The following FHIP1A variants were observed in gnomAD, a reference collection of about 807,000 sequenced individuals.
FHIP1A encodes the protein FHF complex subunit HOOK interacting protein 1A.
A neutral mutation model predicts 88.6 loss-of-function variants in FHIP1A; 61 were observed. That is an observed-to-expected ratio of 0.69 (90% CI 0.56 to 0.85). The LOEUF is 0.85. Among genes scored for constraint, FHIP1A ranks in the 40% least tolerant of loss-of-function variants. The pLI, the probability that FHIP1A is intolerant of heterozygous loss-of-function variation, is 0.00. For missense variants in FHIP1A, 1,154 were observed against 1,273.5 expected (o/e 0.91, Z 1.43); for synonymous variants, 478 against 496.0 (o/e 0.96, Z 0.48).
At chr4:151,421,825 AC>A (rs1028724581) in intron 1 of FHIP1A, among the ~76,000 whole-genome samples, 13 of 152,090 alleles carry the variant, frequency 8.5e-5, no homozygotes, top group Non-Finnish European at 1.5e-4. Context: ...TAATAGCCAC[AC>A]CAATAACAGA....
intron 7 of FHIP1A, among the ~76,000 whole-genome samples, chr4:151,602,130 A>G (rs1734896264): frequency 6.6e-6 from 1 of 152,156 alleles, no homozygotes; most frequent in African/African-American, 2.4e-5. Context: ...GCTACAATTC[A>G]AGATGAGATT....
chr4:151,521,607 A>G (rs1296752845), intron 3 of FHIP1A, among the ~76,000 whole-genome samples: 2 of 152,240 alleles, frequency 1.3e-5, no homozygotes, highest in Non-Finnish European at 2.9e-5. Context: ...AGAATGGGTT[A>G]TTCGGACTGT....
At chr4:151,528,702 T>C (rs1300287877) in intron 3 of FHIP1A, among the ~76,000 whole-genome samples, 1 of 152,200 alleles carries the variant, frequency 6.6e-6, no homozygotes, top group Non-Finnish European at 1.5e-5. Flanking sequence ...TTCACTGTTG[T>C]CGTTTGGTTT....
intron 1 of FHIP1A, among the ~76,000 whole-genome samples, chr4:151,452,777 CAAA>C (rs112360226): frequency 1.5e-5 from 2 of 135,980 alleles, no homozygotes; most frequent in African/African-American, 5.5e-5. Context: ...GACTCTGTCT[CAAA>C]AAAAAAAAAA....
At position 151,506,062 on chromosome 4, in the gene FHIP1A, A is replaced by G. The variant is rs149839570; in HGVS notation, c.-123+23414A>G. 2.6e-5 allele frequency among the ~76,000 whole-genome samples: 4 copies of G among 152,282 alleles called. No homozygotes were observed. The East Asian group carries it at 7.7e-4, about 29-fold the overall frequency. ...CTCAGCCTCCTGAGTAGCTGAGTCTACAGCACATGCCACCATGCATGGCTA... is the reference window on the plus strand; with the variant it reads ...CTCAGCCTCCTGAGTAGCTGAGTCTGCAGCACATGCCACCATGCATGGCTA... On this transcript the variant is annotated intron_variant, in intron 3 of 13. Transcript: ENST00000435205.
At position 151,646,554 on chromosome 4, in the gene FHIP1A, C is replaced by G. The variant is rs576546743; in HGVS notation, c.1227-4C>G. The G allele has an allele frequency of 5.8e-6, 9 of 1,548,670 alleles. No homozygotes were observed. In the African/African-American group the frequency reaches 6.8e-5, roughly 12 times the overall value. On this transcript the variant is annotated splice_polypyrimidine_tract_variant and splice_region_variant and intron_variant, in intron 9 of 13. Coordinates refer to ENST00000435205, the MANE Select transcript of FHIP1A (RefSeq NM_001109977.3). ...CCAAACGCTTGTTCTTTTTGTCATT[C>G]TAGGTATCTGATCCCCTGCAATCAC...
chr4:151,447,250 C>G (rs945236198), intron 1 of FHIP1A, among the ~76,000 whole-genome samples: 2 of 152,126 alleles, frequency 1.3e-5, no homozygotes, highest in Non-Finnish European at 2.9e-5. Flanking sequence ...TTTTTGAATG[C>G]AGAGAGGTCT....
chr4:151,653,356 G>C (rs7674559), intron 11 of FHIP1A, among the ~76,000 whole-genome samples: 3,263 of 148,812 alleles, frequency 0.022, 108 homozygotes, highest in African/African-American at 0.075. Context: ...CTGTGTGTGT[G>C]TCTCTCTCTC....
intron 2 of FHIP1A, among the ~76,000 whole-genome samples, chr4:151,472,489 G>A (rs1038110345): frequency 1.3e-5 from 2 of 151,986 alleles, no homozygotes; most frequent in African/African-American, 4.8e-5. Flanking sequence ...GCCACCTGTG[G>A]GGATAAAAAC....
intron 3 of FHIP1A, among the ~76,000 whole-genome samples, chr4:151,495,104 A>G (rs1316403297): frequency 6.6e-6 from 1 of 152,164 alleles, no homozygotes; most frequent in Admixed American, 6.6e-5. Flanking sequence ...TTCTTTGGGT[A>G]TAGAATCATA....
intron 6 of FHIP1A, 78 bp downstream of exon 6, chr4:151,586,877 C>T (rs938019265): frequency 4.2e-5 from 47 of 1,114,432 alleles, no homozygotes; most frequent in Admixed American, 1.2e-4. Context: ...AATTTTAAAA[C>T]GTTCATTTTT....
rs967067626 is a variant in FHIP1A, at chr4:151,649,805, C to A, written c.1764C>A (p.Ser588=). 6.6e-5 allele frequency: 102 copies of A among 1,551,686 alleles called. No individual in the cohort carries two copies. In the African/African-American group the frequency reaches 1.0e-3, roughly 15 times the overall value. ...ATGACAGCTATGACACTGGAATCTC[C>A]TCAGGGGCTGACGTGGGCTCCCCAG... ...EWDDSYDTGI[S]SGADVGSPGP... is the part of the protein sequence containing the mutation. Residue 588 remains serine, a synonymous_variant, in exon 11 of 14, where the codon TCC becomes TCA. Coordinates refer to ENST00000435205, the MANE Select transcript of FHIP1A (RefSeq NM_001109977.3).
chr4:151,538,731 A>G (rs1732161152), intron 3 of FHIP1A, among the ~76,000 whole-genome samples: 1 of 152,202 alleles, frequency 6.6e-6, no homozygotes, highest in Non-Finnish European at 1.5e-5. Flanking sequence ...CTGTGTATCT[A>G]GCTGGCTCAG....
At chr4:151,622,243 G>T (rs1735774546) in intron 7 of FHIP1A, among the ~76,000 whole-genome samples, 1 of 152,184 alleles carries the variant, frequency 6.6e-6, no homozygotes, top group South Asian at 2.1e-4. Flanking sequence ...GTTTTGGGGG[G>T]ACAGCATTTC....
intron 3 of FHIP1A, among the ~76,000 whole-genome samples, chr4:151,510,587 C>T (rs905737600): frequency 6.6e-6 from 1 of 152,164 alleles, no homozygotes; most frequent in Non-Finnish European, 1.5e-5. Context: ...ATTTTTTGAA[C>T]CTCATCTGTC....
chr4:151,560,392 A>C (rs1487618186), intron 3 of FHIP1A, among the ~76,000 whole-genome samples: 2 of 152,204 alleles, frequency 1.3e-5, no homozygotes, highest in Non-Finnish European at 2.9e-5. Context: ...CTTCCAGAGA[A>C]CATGACCAAG....
intron 6 of FHIP1A, among the ~76,000 whole-genome samples, chr4:151,588,244 T>G (rs149046210): frequency 3.3e-5 from 5 of 152,252 alleles, no homozygotes; most frequent in Admixed American, 6.5e-5. Flanking sequence ...TGAGAAGTAT[T>G]GTACTTCTGA....
At chr4:151,573,662 G>A (rs1189455209) in intron 4 of FHIP1A, among the ~76,000 whole-genome samples, 1 of 151,946 alleles carries the variant, frequency 6.6e-6, no homozygotes, top group Non-Finnish European at 1.5e-5. Context: ...GAGAGTATAA[G>A]ACAGCTGGTA....
chr4:151,436,640 G>A (rs1728214622), intron 1 of FHIP1A: 1 of 152,182 alleles, frequency 6.6e-6, no homozygotes, highest in South Asian at 2.1e-4. Context: ...TTGACAAAGT[G>A]TCATCTTTGT....
Sources: allele counts gnomAD v4.1 joint callset (sites outside exome capture counted in the v4.1 genomes callset), GRCh38; gene constraint gnomAD v4.1.1; transcripts MANE v1.5; gene names NCBI Gene and HGNC (gene_info 2026-07-23, HGNC 2026-07-21).